Variants in INPP4B observed in about 807,000 individuals in gnomAD.
The protein encoded by INPP4B is inositol polyphosphate-4-phosphatase type II B.
In INPP4B, 55 loss-of-function variants were observed where a neutral mutation model predicts 122.5. That is an observed-to-expected ratio of 0.45 (90% CI 0.36 to 0.56). The LOEUF (loss-of-function observed/expected upper bound fraction) is 0.56, where lower values mean the gene tolerates loss of function less well. Ranked by LOEUF, INPP4B falls within the 20% of genes least tolerant of loss-of-function variation. The probability of loss-of-function intolerance (pLI) is 0.00; values close to 1 mark genes in which losing one functional copy is unlikely to be tolerated. For missense variants in INPP4B, 1,000 were observed against 1,097.7 expected (o/e 0.91, Z 1.26); for synonymous variants, 403 against 388.7 (o/e 1.04, Z -0.43).
At chr4:142,649,834 G>A (rs1752568922) in intron 2 of INPP4B, among the ~76,000 whole-genome samples, 1 of 152,164 alleles carries the variant, frequency 6.6e-6, no homozygotes, top group Non-Finnish European at 1.5e-5. Flanking sequence ...TAGCAAAGCA[G>A]GCCAACATTC....
At chr4:142,717,118 A>T (rs1763876083) in intron 2 of INPP4B, among the ~76,000 whole-genome samples, 1 of 152,214 alleles carries the variant, frequency 6.6e-6, no homozygotes, top group Non-Finnish European at 1.5e-5. Flanking sequence ...AGTGGTTAAA[A>T]TGTATAGATT....
chr4:142,644,199 CAAA>C (rs375298753), intron 2 of INPP4B, among the ~76,000 whole-genome samples: 1 of 119,252 alleles, frequency 8.4e-6, no homozygotes, highest in African/African-American at 3.2e-5. Context: ...GAGACTGTCT[CAAA>C]AAAAAAATAA....
chr4:142,077,600 T>C (rs1771505083), intron 25 of INPP4B, among the ~76,000 whole-genome samples: 1 of 151,914 alleles, frequency 6.6e-6, no homozygotes, highest in Non-Finnish European at 1.5e-5. Flanking sequence ...AAAAATGCTT[T>C]CTGCAAATGC....
intron 2 of INPP4B, among the ~76,000 whole-genome samples, chr4:142,630,313 GTTAC>G (rs1747651698): frequency 1.3e-5 from 2 of 152,026 alleles, no homozygotes; most frequent in East Asian, 1.9e-4. Flanking sequence ...TTGGATTTCT[GTTAC>G]TTACAGCCAA....
intron 12 of INPP4B, among the ~76,000 whole-genome samples, chr4:142,219,784 A>G (rs1433300626): frequency 6.6e-6 from 1 of 152,188 alleles, no homozygotes; most frequent in Admixed American, 6.5e-5. Flanking sequence ...GTAGAAGGAA[A>G]ACACCAGGCT....
At chr4:142,177,747 C>G (rs557651938) in intron 15 of INPP4B, among the ~76,000 whole-genome samples, 2 of 152,042 alleles carry the variant, frequency 1.3e-5, no homozygotes, top group Non-Finnish European at 2.9e-5. Flanking sequence ...TGTTACTATC[C>G]ATGTCATATT....
chr4:142,374,490 T>A (rs1433363223), intron 7 of INPP4B, among the ~76,000 whole-genome samples: 1 of 151,910 alleles, frequency 6.6e-6, no homozygotes, highest in Non-Finnish European at 1.5e-5. Context: ...TGCAAATTTT[T>A]GAGATGGTAT....
chr4:142,077,437 T>C (rs774612191), intron 25 of INPP4B, among the ~76,000 whole-genome samples: 2 of 152,036 alleles, frequency 1.3e-5, no homozygotes, highest in Non-Finnish European at 2.9e-5. Context: ...ATTTACTTTA[T>C]AGAGGCATTA....
chr4:142,736,721 A>G (rs1766969972), intron 1 of INPP4B, among the ~76,000 whole-genome samples: 1 of 152,138 alleles, frequency 6.6e-6, no homozygotes, highest in African/African-American at 2.4e-5. Context: ...GGTTTTCTAG[A>G]TATACAATCA....
intron 25 of INPP4B, among the ~76,000 whole-genome samples, chr4:142,053,937 C>G (rs1234680106): frequency 6.6e-6 from 1 of 152,036 alleles, no homozygotes; most frequent in Non-Finnish European, 1.5e-5. Context: ...AATAGGACAG[C>G]TAAAGGAACG....
intron 3 of INPP4B, among the ~76,000 whole-genome samples, chr4:142,431,654 G>A (rs1809325690): frequency 6.6e-6 from 1 of 152,084 alleles, no homozygotes; most frequent in Non-Finnish European, 1.5e-5. Context: ...GTAAGATAGT[G>A]GATAGCTATA....
intron 17 of INPP4B, 87 bp downstream of exon 17, chr4:142,160,271 T>A (rs1439268258): frequency 1.7e-5 from 17 of 989,638 alleles, no homozygotes; most frequent in Non-Finnish European, 2.1e-5. Context: ...TTCCATTTTT[T>A]AAAATGGAAA....
intron 3 of INPP4B, among the ~76,000 whole-genome samples, chr4:142,435,193 G>A (rs1810166872): frequency 6.6e-6 from 1 of 152,170 alleles, no homozygotes; most frequent in African/African-American, 2.4e-5. Flanking sequence ...GAAAAGGGGA[G>A]TTAGCATAAA....
chr4:142,265,573 T>C (rs1452155749), intron 10 of INPP4B, among the ~76,000 whole-genome samples: 1 of 152,176 alleles, frequency 6.6e-6, no homozygotes, highest in African/African-American at 2.4e-5. Flanking sequence ...ACAATAAATA[T>C]CATGCATGTT....
chr4:142,456,758 A>G (rs969635823), intron 3 of INPP4B, among the ~76,000 whole-genome samples: 2 of 152,114 alleles, frequency 1.3e-5, no homozygotes, highest in Admixed American at 6.6e-5. Flanking sequence ...TAAAAGGTCA[A>G]CTTTGTCCAA....
At chr4:142,234,617 G>A (rs1855880725) in intron 12 of INPP4B, among the ~76,000 whole-genome samples, 1 of 152,096 alleles carries the variant, frequency 6.6e-6, no homozygotes, top group South Asian at 2.1e-4. Context: ...CTAATGATAG[G>A]AGATTTATAC....
intron 1 of INPP4B, among the ~76,000 whole-genome samples, chr4:142,766,501 G>T (rs77459633): frequency 0.025 from 3,754 of 151,972 alleles, 60 homozygotes; most frequent in Middle Eastern, 0.095. Context: ...CTCCCGAGTA[G>T]CTGGGATTAC....
chr4:142,067,714 T>A (rs1764388769), intron 25 of INPP4B, among the ~76,000 whole-genome samples: 1 of 151,864 alleles, frequency 6.6e-6, no homozygotes, highest in Non-Finnish European at 1.5e-5. Context: ...TTTGATCAAG[T>A]GGAAGAAAGG....
chr4:142,277,682 T>TACACAC (rs3076592), intron 9 of INPP4B, among the ~76,000 whole-genome samples: 7,890 of 147,042 alleles, frequency 0.054, 399 homozygotes, highest in African/African-American at 0.13. Context: ...CACACACACA[T>TACACAC]ACACACACAC....
Sources: allele counts gnomAD v4.1 joint callset (sites outside exome capture counted in the v4.1 genomes callset), GRCh38; gene constraint gnomAD v4.1.1; transcripts MANE v1.5; gene names NCBI Gene and HGNC (gene_info 2026-07-23, HGNC 2026-07-21).